The following ATE1 variants were observed in gnomAD, a reference collection of about 807,000 sequenced individuals.
ATE1 encodes the protein arginyltransferase 1, also known as arginyl-tRNA--protein transferase 1.
Under a neutral mutation model 70.5 loss-of-function variants are expected in ATE1, and 36 were observed. That is an observed-to-expected ratio of 0.51 (90% CI 0.39 to 0.67). The LOEUF (loss-of-function observed/expected upper bound fraction) is 0.67. Ranked by LOEUF, ATE1 falls within the 30% of genes least tolerant of loss-of-function variation. The pLI, the probability that ATE1 is intolerant of heterozygous loss-of-function variation, is 0.00. For synonymous variants in ATE1, 232 were observed against 219.3 expected (o/e 1.06, Z -0.51); for missense variants, 593 against 629.5 (o/e 0.94, Z 0.62).
intron 8 of ATE1, among the ~76,000 whole-genome samples, chr10:121,867,716 T>C (rs904221307): frequency 6.6e-6 from 1 of 152,184 alleles, no homozygotes; most frequent in Non-Finnish European, 1.5e-5. Flanking sequence ...TGCACTTAAA[T>C]TGTGTTTAAA....
At chr10:121,763,696 A>G (rs1177937796) in intron 11 of ATE1, among the ~76,000 whole-genome samples, 1 of 152,192 alleles carries the variant, frequency 6.6e-6, no homozygotes, top group Non-Finnish European at 1.5e-5. Context: ...GACACTTGTC[A>G]AAACCCAGAG....
chr10:121,902,259 CTTTAA>C (rs1470286250), intron 6 of ATE1, 127 bp downstream of exon 6: 16 of 850,456 alleles, frequency 1.9e-5, no homozygotes, highest in African/African-American at 6.9e-5. Context: ...TCCCAGTTCT[CTTTAA>C]TTTCTTTTAA....
At chr10:121,924,200 A>T in intron 2 of ATE1, 66 bp downstream of exon 2, 4 of 1,426,914 alleles carry the variant, frequency 2.8e-6, no homozygotes, top group Non-Finnish European at 3.9e-6. Flanking sequence ...AGCATTTCAA[A>T]GGCATGCTGT....
intron 10 of ATE1, among the ~76,000 whole-genome samples, chr10:121,814,690 C>T (rs1408265703): frequency 6.6e-6 from 1 of 152,100 alleles, no homozygotes; most frequent in Non-Finnish European, 1.5e-5. Flanking sequence ...GAAAGAAGAC[C>T]TAAGCTGTGA....
chr10:121,790,412 C>T, intron 10 of ATE1, 123 bp from the exon 11 acceptor site: 1 of 1,243,752 alleles, frequency 8.0e-7, no homozygotes, highest in South Asian at 1.7e-5. Flanking sequence ...AACTGTTTTA[C>T]TGTAAATACT....
intron 10 of ATE1, among the ~76,000 whole-genome samples, chr10:121,800,082 C>T (rs559382941): frequency 6.6e-6 from 1 of 152,146 alleles, no homozygotes; most frequent in Non-Finnish European, 1.5e-5. Context: ...TTTCCTTTGG[C>T]CTTTATAAGA....
At chr10:121,893,335 A>G (rs1950649242) in intron 7 of ATE1, among the ~76,000 whole-genome samples, 1 of 151,974 alleles carries the variant, frequency 6.6e-6, no homozygotes, top group Non-Finnish European at 1.5e-5. Context: ...TACCATTGGG[A>G]CAATAACATG....
At chr10:121,859,631 C>T (rs1219886555) in intron 8 of ATE1, among the ~76,000 whole-genome samples, 1 of 152,054 alleles carries the variant, frequency 6.6e-6, no homozygotes, top group African/African-American at 2.4e-5. Flanking sequence ...TTTGTGTCAG[C>T]AGAGTAATGG....
chr10:121,923,891 A>C (rs1041753665), intron 2 of ATE1, among the ~76,000 whole-genome samples: 1 of 152,152 alleles, frequency 6.6e-6, no homozygotes, highest in Non-Finnish European at 1.5e-5. Flanking sequence ...AGAAAAAAAG[A>C]CCTCTCTCTT....
intron 10 of ATE1, among the ~76,000 whole-genome samples, chr10:121,793,997 A>G (rs1049786235): frequency 6.6e-6 from 1 of 152,228 alleles, no homozygotes; most frequent in Non-Finnish European, 1.5e-5. Context: ...GATATAAGGT[A>G]TACAAAAAGA....
At position 121,870,046 on chromosome 10, in the gene ATE1, C is replaced by A; in HGVS notation, c.943-8G>T. ...GCAAAGGAATCTTGTGAACTGCAGTCAAATTTGAACAGAATCCATTTCATC... is the reference window on the plus strand; with the variant it reads ...GCAAAGGAATCTTGTGAACTGCAGTAAAATTTGAACAGAATCCATTTCATC... On this transcript the variant is annotated splice_polypyrimidine_tract_variant and splice_region_variant and intron_variant, in intron 7 of 11. Coordinates refer to ENST00000224652, the MANE Select transcript of ATE1 (RefSeq NM_001001976.3). 1 of 1,608,512 alleles carries A rather than the reference C, an allele frequency of 6.2e-7. No individual in the cohort carries two copies. The highest frequency in any genetic ancestry group is 1.1e-5 in the South Asian group (1 of 90,324).
chr10:121,898,868 A>G (rs1950872120), intron 7 of ATE1: 1 of 1,613,848 alleles, frequency 6.2e-7, no homozygotes, highest in South Asian at 1.1e-5. Flanking sequence ...CATCGGGTGG[A>G]TCCTGGTGTA....
intron 8 of ATE1, among the ~76,000 whole-genome samples, chr10:121,849,907 T>A (rs4077606): frequency 6.6e-6 from 1 of 151,816 alleles, no homozygotes; most frequent in African/African-American, 2.4e-5. Flanking sequence ...TACCATAAAC[T>A]GATTTAACAA....
At chr10:121,746,614 C>A (rs1208231120) in intron 11 of ATE1, among the ~76,000 whole-genome samples, 1 of 152,108 alleles carries the variant, frequency 6.6e-6, no homozygotes, top group Non-Finnish European at 1.5e-5. Flanking sequence ...GTTCTCAAAG[C>A]CCAAAGCCCA....
chr10:121,890,278 ATAG>A (rs1950535752), intron 7 of ATE1, among the ~76,000 whole-genome samples: 1 of 152,222 alleles, frequency 6.6e-6, no homozygotes, highest in African/African-American at 2.4e-5. Flanking sequence ...TAAGCACTAA[ATAG>A]TAGATGATAT....
intron 7 of ATE1, among the ~76,000 whole-genome samples, chr10:121,896,025 A>G (rs150661981): frequency 1.3e-5 from 2 of 152,256 alleles, no homozygotes; most frequent in Admixed American, 6.5e-5. Context: ...GTCTATATTA[A>G]TAACTTTTAA....
intron 7 of ATE1, among the ~76,000 whole-genome samples, chr10:121,892,047 G>A (rs1362288288): frequency 6.6e-6 from 1 of 152,086 alleles, no homozygotes; most frequent in Non-Finnish European, 1.5e-5. Flanking sequence ...TCATGTACAG[G>A]GGAAAAGTAC....
chr10:121,890,784 TAA>T (rs1222335655), intron 7 of ATE1, among the ~76,000 whole-genome samples: 2 of 152,082 alleles, frequency 1.3e-5, no homozygotes, highest in Admixed American at 6.6e-5. Context: ...TCCTGAAAAA[TAA>T]AGATTCTTAA....
At chr10:121,818,107 T>C (rs1284184235) in intron 10 of ATE1, among the ~76,000 whole-genome samples, 1 of 150,560 alleles carries the variant, frequency 6.6e-6, no homozygotes, top group African/African-American at 2.4e-5. Context: ...CTAGAAAAAA[T>C]ACAAAAATTA....
Sources: allele counts gnomAD v4.1 joint callset (sites outside exome capture counted in the v4.1 genomes callset), GRCh38; gene constraint gnomAD v4.1.1; transcripts MANE v1.5; gene names NCBI Gene and HGNC (gene_info 2026-07-23, HGNC 2026-07-21).